Variants in BTLA observed in about 807,000 individuals in gnomAD.
BTLA encodes the protein B- and T-lymphocyte attenuator.
BTLA carries 11 observed loss-of-function variants against 25.0 expected under a neutral mutation model. The observed-to-expected ratio is 0.44, with a 90% CI of 0.28 to 0.73. The LOEUF (loss-of-function observed/expected upper bound fraction) is 0.73. Among genes scored for constraint, BTLA ranks in the 30% least tolerant of loss-of-function variants. The pLI is 0.15. For missense variants in BTLA, 282 were observed against 332.8 expected, an observed-to-expected ratio of 0.85 and a Z score of 1.19; for synonymous variants, 104 against 119.8, an observed-to-expected ratio of 0.87 and a Z score of 0.86.
chr3:112,482,467 T>C (rs1423887253), intron 1 of BTLA, among the ~76,000 whole-genome samples: 1 of 152,236 alleles, frequency 6.6e-6, no homozygotes, highest in Non-Finnish European at 1.5e-5. Flanking sequence ...AGGTTTCACC[T>C]TATTTCTACA....
intron 1 of BTLA, among the ~76,000 whole-genome samples, chr3:112,485,565 T>A (rs1048954948): frequency 6.6e-5 from 10 of 152,184 alleles, no homozygotes; most frequent in Admixed American, 3.3e-4. Flanking sequence ...TTTCATTTTT[T>A]ATTTATGTAT....
chr3:112,479,358 G>T, intron 2 of BTLA, 97 bp downstream of exon 2: 1 of 1,165,878 alleles, frequency 8.6e-7, no homozygotes, highest in Non-Finnish European at 1.2e-6. Flanking sequence ...TGCTATAGGA[G>T]TTGGCTTTCT....
At chr3:112,492,433 G>A (rs930020493) in intron 1 of BTLA, among the ~76,000 whole-genome samples, 3 of 152,200 alleles carry the variant, frequency 2.0e-5, no homozygotes, top group Non-Finnish European at 4.4e-5. Flanking sequence ...GTTGACAGTA[G>A]CATCAGTGAG....
chr3:112,473,741 A>C (rs2082275265), intron 2 of BTLA, among the ~76,000 whole-genome samples: 1 of 149,418 alleles, frequency 6.7e-6, no homozygotes. Flanking sequence ...CAGCCTCCTG[A>C]GTAGTTGGGA....
chr3:112,479,788 A>G lies in BTLA; in HGVS notation c.89-19T>C, dbSNP rs746468126. On this transcript the variant is annotated intron_variant, in intron 1 of 4. Transcript: ENST00000334529. ...TCTTTCCCTAAAAGATAAAAACAAAACTAAAATCAAATATGTTCTTCTGGA... is the reference window on the plus strand; with the variant it reads ...TCTTTCCCTAAAAGATAAAAACAAAGCTAAAATCAAATATGTTCTTCTGGA... 16 of 1,539,274 alleles carry G rather than the reference A, an allele frequency of 1.0e-5. No individual in the cohort carries two copies. Among genetic ancestry groups the G allele is most frequent in the Non-Finnish European group, 1.4e-5 (16 of 1,134,566 alleles).
chr3:112,488,565 C>G (rs184068816), intron 1 of BTLA, among the ~76,000 whole-genome samples: 1 of 151,866 alleles, frequency 6.6e-6, no homozygotes, highest in Admixed American at 6.6e-5. Flanking sequence ...CTCATATCCC[C>G]ACTCCCTAGC....
In BTLA at chr3:112,479,761, A is replaced by T. The variant is rs185111344; in HGVS notation, c.97T>A (p.Ser33Thr). Residue 33 changes from serine (S) to threonine (T), a missense_variant, in exon 2 of 5, where the codon TCA (serine) becomes ACA (threonine). Around this residue, in one of 2 missense-constraint regions of BTLA, gnomAD observed 163 missense variants for 230.4 expected, o/e 0.71. Transcript: ENST00000334529. ...TTTATATAAAGCTGTACATCACATGATTCTTTCCCTAAAAGATAAAAACAA... is the reference window on the plus strand; with the variant it reads ...TTTATATAAAGCTGTACATCACATGTTTCTTTCCCTAAAAGATAAAAACAA... Reference protein sequence around the residue: ...LDIWNIHGKESCDVQLYIKRQ... With the variant: ...LDIWNIHGKETCDVQLYIKRQ... 3 of 1,584,662 alleles carry T rather than the reference A, an allele frequency of 1.9e-6. No homozygotes were observed. The East Asian group carries it at 6.7e-5, about 36-fold the overall frequency.
chr3:112,488,473 C>T (rs577086308), intron 1 of BTLA, among the ~76,000 whole-genome samples: 46 of 152,152 alleles, frequency 3.0e-4, no homozygotes, highest in Non-Finnish European at 5.4e-4. Flanking sequence ...CCGCCCGCCT[C>T]GGGCTCCCAA....
rs7640983 is a variant in BTLA, at chr3:112,467,581, C to T, written c.595-1198G>A. 2.6e-3 allele frequency among the ~76,000 whole-genome samples: 399 copies of T among 152,302 alleles called. 1 individual carries two copies. The highest frequency in any genetic ancestry group is 9.2e-3 in the African/African-American group (384 of 41,566). On this transcript the variant is annotated intron_variant, in intron 4 of 4. Coordinates refer to ENST00000334529, the MANE Select transcript of BTLA (RefSeq NM_181780.4). ...TTTGTCATCCTCATTGTGATGTGTGCAGTAGGATGTCTATGGCAGATTTCC... is the reference window on the plus strand; with the variant it reads ...TTTGTCATCCTCATTGTGATGTGTGTAGTAGGATGTCTATGGCAGATTTCC...
At chr3:112,490,911 A>C (rs1470223973) in intron 1 of BTLA, among the ~76,000 whole-genome samples, 1 of 152,118 alleles carries the variant, frequency 6.6e-6, no homozygotes, top group African/African-American at 2.4e-5. Flanking sequence ...TTTCTTCTAC[A>C]GTTAGAATTT....
intron 1 of BTLA, among the ~76,000 whole-genome samples, chr3:112,489,775 G>C (rs1465523472): frequency 1.3e-5 from 2 of 152,202 alleles, no homozygotes; most frequent in African/African-American, 4.8e-5. Context: ...GCTACAGAAG[G>C]AATGAAGTCT....
intron 1 of BTLA, among the ~76,000 whole-genome samples, chr3:112,494,414 A>G (rs1274217766): frequency 6.6e-6 from 1 of 152,198 alleles, no homozygotes; most frequent in African/African-American, 2.4e-5. Context: ...GTATATACTC[A>G]AAGGAATATA....
chr3:112,477,147 A>G (rs2082293040), intron 2 of BTLA, among the ~76,000 whole-genome samples: 1 of 152,146 alleles, frequency 6.6e-6, no homozygotes, highest in Admixed American at 6.5e-5. Context: ...ACATTCAGGA[A>G]CAAGGTTTTG....
chr3:112,495,821 A>T (rs2082406172), intron 1 of BTLA, among the ~76,000 whole-genome samples: 1 of 152,216 alleles, frequency 6.6e-6, no homozygotes, highest in Non-Finnish European at 1.5e-5. Flanking sequence ...AGTAGAGCAA[A>T]ACAATCTGTG....
At chr3:112,495,496 A>G (rs1036921321) in intron 1 of BTLA, among the ~76,000 whole-genome samples, 7 of 152,164 alleles carry the variant, frequency 4.6e-5, no homozygotes, top group African/African-American at 1.7e-4. Context: ...GAAATTTAAA[A>G]ACTTCTCTGT....
chr3:112,483,652 A>C (rs532589091), intron 1 of BTLA, among the ~76,000 whole-genome samples: 63 of 151,950 alleles, frequency 4.1e-4, no homozygotes, highest in Admixed American at 2.1e-3. Flanking sequence ...CAATTGGGAG[A>C]GTGTTATATA....
intron 1 of BTLA, among the ~76,000 whole-genome samples, chr3:112,484,006 C>T (rs1349243550): frequency 1.3e-5 from 2 of 151,874 alleles, no homozygotes; most frequent in Non-Finnish European, 2.9e-5. Flanking sequence ...TTGCATGGGT[C>T]TGCAGAAGGT....
At chr3:112,477,504 A>G (rs1336080700) in intron 2 of BTLA, among the ~76,000 whole-genome samples, 2 of 151,926 alleles carry the variant, frequency 1.3e-5, no homozygotes, top group Non-Finnish European at 1.5e-5. Context: ...TGAAATGTCT[A>G]TTCAAGTCCT....
chr3:112,485,232 A>G (rs1206994260), intron 1 of BTLA, among the ~76,000 whole-genome samples: 1 of 151,864 alleles, frequency 6.6e-6, no homozygotes, highest in East Asian at 2.0e-4. Flanking sequence ...TTTAGTAGGG[A>G]CGGGGTTTCG....
Sources: gnomAD v4.1 joint callset for allele counts (sites outside exome capture counted in the v4.1 genomes callset) on GRCh38, gnomAD v4.1.1 for gene constraint, gnomAD v4.1.1 regional missense constraint, MANE v1.5 for transcripts, NCBI Gene and HGNC (gene_info 2026-07-23, HGNC 2026-07-21) for gene names.